The following PROX1 variants were observed in gnomAD, a reference collection of about 807,000 sequenced individuals.
PROX1 encodes prospero homeobox protein 1.
Under a neutral mutation model 58.8 loss-of-function variants are expected in PROX1, and 7 were observed. That is an observed-to-expected ratio of 0.12 (90% CI 0.07 to 0.22). PROX1 has a LOEUF of 0.22. Among genes scored for constraint, PROX1 ranks in the 10% least tolerant of loss-of-function variants. The probability of loss-of-function intolerance (pLI) is 1.00; values close to 1 mark genes in which losing one functional copy is unlikely to be tolerated. For missense variants in PROX1, 675 were observed against 927.8 expected (o/e 0.73, Z 3.54); for synonymous variants, 350 against 358.3 (o/e 0.98, Z 0.26).
intron 4 of PROX1, among the ~76,000 whole-genome samples, chr1:214,026,738 G>C (rs1664470343): frequency 6.6e-6 from 1 of 152,136 alleles, no homozygotes; most frequent in Non-Finnish European, 1.5e-5. Context: ...GATACTCAGG[G>C]TGTATCTCTG....
At chr1:213,991,193 A>G (rs969869727) in intron 1 of PROX1, among the ~76,000 whole-genome samples, 2 of 152,204 alleles carry the variant, frequency 1.3e-5, no homozygotes, top group Admixed American at 1.3e-4. Context: ...ATGTGTGAGG[A>G]AAGTTGTTGG....
At chr1:214,015,685 C>A (rs1369050445) in intron 4 of PROX1, among the ~76,000 whole-genome samples, 1 of 151,924 alleles carries the variant, frequency 6.6e-6, no homozygotes, top group African/African-American at 2.4e-5. Flanking sequence ...AAAGACATAG[C>A]AGCTATATGT....
At chr1:214,030,518 G>T (rs1352151517) in intron 4 of PROX1, 1 of 152,154 alleles carries the variant, frequency 6.6e-6, no homozygotes, top group Non-Finnish European at 1.5e-5. Flanking sequence ...GTGATGAAAT[G>T]AGGCCAGAGG....
intron 1 of PROX1, among the ~76,000 whole-genome samples, chr1:213,990,123 C>T (rs1265485004): frequency 8.5e-6 from 1 of 117,298 alleles, no homozygotes; most frequent in Non-Finnish European, 1.8e-5. Flanking sequence ...CACTCATGCC[C>T]TCCCTTATTT....
At chr1:213,999,634 A>G (rs1274511361) in intron 2 of PROX1, among the ~76,000 whole-genome samples, 2 of 152,204 alleles carry the variant, frequency 1.3e-5, no homozygotes, top group African/African-American at 4.8e-5. Context: ...ACTGAGCAAG[A>G]GAAGAACATT....
At chr1:214,000,880 C>T (rs886322941) in intron 2 of PROX1, among the ~76,000 whole-genome samples, 1 of 152,090 alleles carries the variant, frequency 6.6e-6, no homozygotes, top group East Asian at 1.9e-4. Flanking sequence ...GAAGAAATAT[C>T]TGGGAATCAC....
intron 1 of PROX1, among the ~76,000 whole-genome samples, chr1:213,989,546 A>C (rs1662946409): frequency 6.6e-6 from 1 of 151,820 alleles, no homozygotes; most frequent in South Asian, 2.1e-4. Flanking sequence ...GGGAGGGAGG[A>C]CAGGAGAGGT....
intron 1 of PROX1, among the ~76,000 whole-genome samples, chr1:213,989,160 G>A: frequency 6.6e-6 from 1 of 152,042 alleles, no homozygotes; most frequent in East Asian, 1.9e-4. Flanking sequence ...GAGGGAGGTG[G>A]GGGGGCGCTC....
chr1:214,035,422 T>C lies in PROX1; in HGVS notation c.2029-227T>C, dbSNP rs928372649. Among the ~76,000 whole-genome samples, 7 of 152,236 alleles carry C rather than the reference T, an allele frequency of 4.6e-5. No homozygotes were observed. The East Asian group carries it at 1.3e-3, about 29-fold the overall frequency. On this transcript the variant is annotated intron_variant, in intron 4 of 4. Transcript: ENST00000366958. ...ATCCCAGTTTTTCAATAGGTCTGCG[T>C]TGGATCTTTCATACACTCTTCTTAA... is the stretch of plus-strand genomic sequence containing the variant.
chr1:214,000,550 C>A (rs1352686516), intron 2 of PROX1, among the ~76,000 whole-genome samples: 1 of 152,162 alleles, frequency 6.6e-6, no homozygotes, highest in Non-Finnish European at 1.5e-5. Flanking sequence ...TTTCATATAG[C>A]TAAATAATGT....
chr1:214,025,534 C>T (rs1664420714), intron 4 of PROX1, among the ~76,000 whole-genome samples: 1 of 152,152 alleles, frequency 6.6e-6, no homozygotes, highest in Non-Finnish European at 1.5e-5. Context: ...CCCACAGAGC[C>T]TATGTATTTA....
chr1:214,006,472 T>G (rs1663717462), intron 3 of PROX1, among the ~76,000 whole-genome samples: 1 of 152,228 alleles, frequency 6.6e-6, no homozygotes, highest in African/African-American at 2.4e-5. Context: ...TTCTCCTTGT[T>G]CAGCACCAGC....
At chr1:214,031,345 A>G (rs555312919) in intron 4 of PROX1, among the ~76,000 whole-genome samples, 23 of 152,202 alleles carry the variant, frequency 1.5e-4, no homozygotes, top group African/African-American at 4.3e-4. Context: ...CCTTTTTATC[A>G]AAACAAAGTT....
chr1:213,994,463 A>C (rs1240585056), intron 1 of PROX1, among the ~76,000 whole-genome samples: 1 of 152,106 alleles, frequency 6.6e-6, no homozygotes, highest in Non-Finnish European at 1.5e-5. Context: ...TCTTTGATTA[A>C]CAGAGCTTTG....
chr1:214,023,575 A>C (rs780243646), intron 4 of PROX1, among the ~76,000 whole-genome samples: 14 of 152,316 alleles, frequency 9.2e-5, no homozygotes, highest in Non-Finnish European at 1.9e-4. Flanking sequence ...CCTACTTGGT[A>C]GTGTTTGCAA....
intron 1 of PROX1, among the ~76,000 whole-genome samples, chr1:213,994,337 G>A (rs1663147146): frequency 6.6e-6 from 1 of 152,150 alleles, no homozygotes; most frequent in Non-Finnish European, 1.5e-5. Context: ...AAAAGGATTT[G>A]CATACAAATA....
Position 214,013,563 on chromosome 1 carries a change from G to A in PROX1, c.2028+1848G>A, listed in dbSNP as rs1020265346. 1.2e-4 allele frequency among the ~76,000 whole-genome samples: 6 copies of A among 48,916 alleles called. No homozygotes were observed. The South Asian group carries it at 5.2e-3, about 43-fold the overall frequency. 32.1% of individuals were successfully genotyped at this position (48,916 alleles called of 152,430 possible). On this transcript the variant is annotated intron_variant, in intron 4 of 4. Coordinates refer to ENST00000366958, the MANE Select transcript of PROX1 (RefSeq NM_001270616.2). The stretch of plus-strand genomic sequence containing the variant: ...CCAAGAGGACAAGTCCTTAAAGTGC[G>A]CACGAGGGTTTTCGGGTTGCTTAAA...
intron 3 of PROX1, among the ~76,000 whole-genome samples, 165 bp downstream of exon 3, chr1:214,005,437 G>T (rs768159159): frequency 2.4e-4 from 36 of 152,212 alleles, no homozygotes; most frequent in Admixed American, 4.6e-4. Flanking sequence ...GTTAAGCAAA[G>T]ATGCCACTTG....
chr1:214,013,199 C>T (rs1663977948), intron 4 of PROX1, among the ~76,000 whole-genome samples: 1 of 151,446 alleles, frequency 6.6e-6, no homozygotes, highest in South Asian at 2.1e-4. Flanking sequence ...GAGAATTCTT[C>T]GTGTACTGCT....
Sources: allele counts gnomAD v4.1 joint callset (sites outside exome capture counted in the v4.1 genomes callset), GRCh38; gene constraint gnomAD v4.1.1; transcripts MANE v1.5; gene names NCBI Gene and HGNC (gene_info 2026-07-23, HGNC 2026-07-21).